Variants in ARHGAP22 observed in about 807,000 individuals in gnomAD.
ARHGAP22 encodes rho GTPase-activating protein 22.
Under a neutral mutation model 59.1 loss-of-function variants are expected in ARHGAP22, and 48 were observed. The observed-to-expected ratio is 0.81, with a 90% CI of 0.64 to 1.03. The LOEUF is 1.03. ARHGAP22 is among the 50% of genes least tolerant of loss of function. The pLI, the probability that ARHGAP22 is intolerant of heterozygous loss-of-function variation, is 0.00. For missense variants in ARHGAP22, 1,015 were observed against 958.7 expected (o/e 1.06, Z -0.78); for synonymous variants, 445 against 416.4 (o/e 1.07, Z -0.84).
At chr10:48,589,120 G>A (rs2059605855) in intron 1 of ARHGAP22, among the ~76,000 whole-genome samples, 1 of 152,156 alleles carries the variant, frequency 6.6e-6, no homozygotes, top group African/African-American at 2.4e-5. Flanking sequence ...TCACCCCCCA[G>A]TCCCCACCAA....
At chr10:48,610,124 A>G (rs963720851) in intron 1 of ARHGAP22, among the ~76,000 whole-genome samples, 2 of 152,088 alleles carry the variant, frequency 1.3e-5, no homozygotes, top group Non-Finnish European at 2.9e-5. Flanking sequence ...CTTTGGCTCC[A>G]CCATCTCTGT....
At chr10:48,484,664 T>C (rs1485360305) in intron 3 of ARHGAP22, among the ~76,000 whole-genome samples, 1 of 152,234 alleles carries the variant, frequency 6.6e-6, no homozygotes, top group Non-Finnish European at 1.5e-5. Flanking sequence ...AATATATACA[T>C]CTATTTCTTC....
intron 3 of ARHGAP22, among the ~76,000 whole-genome samples, chr10:48,537,373 TGATGAG>T (rs2055463980): frequency 6.6e-6 from 1 of 152,168 alleles, no homozygotes; most frequent in Non-Finnish European, 1.5e-5. Flanking sequence ...TGTGTACATG[TGATGAG>T]GATAAGTGGC....
At chr10:48,536,988 T>TA (rs951516290) in intron 3 of ARHGAP22, among the ~76,000 whole-genome samples, 67 of 145,262 alleles carry the variant, frequency 4.6e-4, no homozygotes, top group Admixed American at 5.5e-4. Context: ...GGCCACTCAA[T>TA]AAAAAAAAAA....
chr10:48,605,292 C>A (rs1439738638), upstream of ARHGAP22, among the ~76,000 whole-genome samples: 1 of 152,122 alleles, frequency 6.6e-6, no homozygotes, highest in African/African-American at 2.4e-5. Context: ...CCCTGCCAAG[C>A]CCGGGTGGGA....
Position 48,450,537 on chromosome 10 carries a change from G to T in ARHGAP22, c.1592C>A (p.Ala531Asp). 6.6e-7 allele frequency: 1 copy of T among 1,519,356 alleles called. No individual in the cohort carries two copies. Among genetic ancestry groups the T allele is most frequent in the Non-Finnish European group, 8.8e-7 (1 of 1,133,802 alleles). The allele number at this position is 1,519,356 out of a possible 1,614,324, so 94.1% of individuals were successfully genotyped here. ...SVGGSLSSCT[A>D]CRASDSSARS... ...GGCAGACGAGTCGCTGGCGCGGCAG[G>T]CCGTGCAGCTGCTGAGTGAGCCCCC... Residue 531 changes from alanine to aspartate, a missense_variant, in exon 9 of 10, where the codon GCC (alanine) becomes GAC (aspartate). Transcript: ENST00000249601.
At chr10:48,634,334 G>C (rs1377527334) in intron 1 of ARHGAP22, among the ~76,000 whole-genome samples, 1 of 152,200 alleles carries the variant, frequency 6.6e-6, no homozygotes, top group East Asian at 1.9e-4. Flanking sequence ...TAGCCAACAG[G>C]GAAAAGTGCT....
chr10:48,559,952 G>A (rs1277160855), intron 2 of ARHGAP22, among the ~76,000 whole-genome samples: 1 of 152,150 alleles, frequency 6.6e-6, no homozygotes, highest in Non-Finnish European at 1.5e-5. Flanking sequence ...ATTTGAAGTA[G>A]ATTCATGTAC....
upstream of ARHGAP22, among the ~76,000 whole-genome samples, chr10:48,652,989 T>C (rs139824668): frequency 2.0e-3 from 311 of 152,342 alleles, no homozygotes; most frequent in African/African-American, 7.3e-3. Flanking sequence ...AAAATCCCAA[T>C]TATGAAACAG....
intron 3 of ARHGAP22, among the ~76,000 whole-genome samples, chr10:48,542,370 G>A (rs557819940): frequency 7.0e-4 from 107 of 152,336 alleles, no homozygotes; most frequent in African/African-American, 2.5e-3. Context: ...AGAATTGAAT[G>A]CTCTGTGGTT....
At chr10:48,438,463 G>A in the ARHGAP22 span, 1 of 152,280 alleles carries the variant, frequency 6.6e-6, no homozygotes, top group Non-Finnish European at 1.5e-5. Flanking sequence ...ACTGCTCTTC[G>A]TTAAGTGCTC....
At chr10:48,587,741 C>T (rs1050225515) in intron 1 of ARHGAP22, among the ~76,000 whole-genome samples, 2 of 151,254 alleles carry the variant, frequency 1.3e-5, no homozygotes, top group Admixed American at 6.6e-5. Context: ...CTGATTCTGT[C>T]TCTTGTCTTC....
At chr10:48,504,383 G>GGT (rs1030943066) in intron 3 of ARHGAP22, among the ~76,000 whole-genome samples, 4 of 152,184 alleles carry the variant, frequency 2.6e-5, no homozygotes, top group African/African-American at 9.7e-5. Flanking sequence ...GCCTGGATGG[G>GGT]GTGTGTGGGT....
intron 2 of ARHGAP22, among the ~76,000 whole-genome samples, chr10:48,561,564 G>A (rs2057689591): frequency 6.6e-6 from 1 of 152,000 alleles, no homozygotes; most frequent in Non-Finnish European, 1.5e-5. Context: ...TTACATACTA[G>A]GAGAAATATT....
At chr10:48,640,890 T>C (rs943333396) in intron 1 of ARHGAP22, among the ~76,000 whole-genome samples, 2 of 152,186 alleles carry the variant, frequency 1.3e-5, no homozygotes, top group African/African-American at 4.8e-5. Context: ...GCTATAGTTA[T>C]AACAGTGTAT....
At chr10:48,615,954 GA>G (rs58490945) in intron 1 of ARHGAP22, among the ~76,000 whole-genome samples, 20,545 of 125,640 alleles carry the variant, frequency 0.16, 1,868 homozygotes, top group African/African-American at 0.31. Flanking sequence ...CTGAGGAACA[GA>G]AAAAAAAAAA....
upstream of ARHGAP22, among the ~76,000 whole-genome samples, chr10:48,654,000 C>T (rs745785108): frequency 1.3e-5 from 2 of 152,136 alleles, no homozygotes; most frequent in Non-Finnish European, 2.9e-5. Flanking sequence ...ATCTGGCAAA[C>T]GTATACCTTC....
At chr10:48,588,963 G>T (rs934968587) in intron 1 of ARHGAP22, among the ~76,000 whole-genome samples, 38 of 152,182 alleles carry the variant, frequency 2.5e-4, no homozygotes, top group Non-Finnish European at 4.9e-4. Flanking sequence ...CTCAGGGGAG[G>T]TGGGGCTCAG....
At chr10:48,434,180 A>G in the ARHGAP22 span, among the ~76,000 whole-genome samples, 1 of 152,298 alleles carries the variant, frequency 6.6e-6, no homozygotes, top group East Asian at 1.9e-4. Context: ...GTTTGCTCTT[A>G]CTATATTTAA....
Sources: gnomAD v4.1 joint callset for allele counts (sites outside exome capture counted in the v4.1 genomes callset) on GRCh38, gnomAD v4.1.1 for gene constraint, MANE v1.5 for transcripts, NCBI Gene and HGNC (gene_info 2026-07-23, HGNC 2026-07-21) for gene names.